Variants in SV2C observed in about 807,000 individuals in gnomAD.
The protein encoded by SV2C is synaptic vesicle glycoprotein 2C, also known as solute carrier family 22 member B3.
SV2C carries 49 observed loss-of-function variants against 79.7 expected under a neutral mutation model. That is an observed-to-expected ratio of 0.61 (90% confidence interval 0.49 to 0.78). The LOEUF (loss-of-function observed/expected upper bound fraction) is 0.78, where lower values mean the gene tolerates loss of function less well. Among genes scored for constraint, SV2C ranks in the 30% least tolerant of loss-of-function variants. The pLI is 0.00. For synonymous variants in SV2C, 334 were observed against 333.2 expected (o/e 1.00, Z -0.03); for missense variants, 833 against 912.9 (o/e 0.91, Z 1.13).
the SV2C span, among the ~76,000 whole-genome samples, chr5:75,914,840 T>C: frequency 1.3e-5 from 2 of 152,206 alleles, no homozygotes; most frequent in Non-Finnish European, 2.9e-5. Context: ...TCTGTTCTCA[T>C]GCTGCTGATA....
At chr5:76,150,626 C>CTTTTTTTTTTT in intron 2 of SV2C, among the ~76,000 whole-genome samples, 1 of 56,454 alleles carries the variant, frequency 1.8e-5, no homozygotes, top group Non-Finnish European at 2.9e-5. Flanking sequence ...TCATCAAATT[C>CTTTTTTTTTTT]TTTTTTTTTT....
At chr5:76,019,165 AG>A in the SV2C span, among the ~76,000 whole-genome samples, 1 of 152,168 alleles carries the variant, frequency 6.6e-6, no homozygotes, top group African/African-American at 2.4e-5. Context: ...GTAGTACAGG[AG>A]GGAGAAAGAG....
chr5:76,148,676 A>C (rs1314832136), intron 2 of SV2C, among the ~76,000 whole-genome samples: 3 of 151,778 alleles, frequency 2.0e-5, no homozygotes, highest in Admixed American at 6.6e-5. Context: ...CTGGTCTTGA[A>C]CTCCTGGGCT....
chr5:76,220,975 G>A (rs989298546), intron 4 of SV2C, among the ~76,000 whole-genome samples: 18 of 152,320 alleles, frequency 1.2e-4, no homozygotes, highest in Non-Finnish European at 1.2e-4. Flanking sequence ...GAAATGTAGA[G>A]TAGCTGTTTA....
At chr5:76,271,307 C>T (rs1435253981) in intron 4 of SV2C, among the ~76,000 whole-genome samples, 1 of 152,028 alleles carries the variant, frequency 6.6e-6, no homozygotes, top group Non-Finnish European at 1.5e-5. Context: ...ATAGATGTGT[C>T]TTGATTTTAT....
the SV2C span, chr5:75,910,604 T>C: frequency 1.4e-5 from 11 of 764,398 alleles, no homozygotes; most frequent in African/African-American, 1.7e-4. Context: ...CAAGTGGGGT[T>C]GAAAACTTGT....
intron 3 of SV2C, among the ~76,000 whole-genome samples, chr5:76,204,191 T>G (rs905175512): frequency 3.3e-5 from 5 of 152,244 alleles, no homozygotes; most frequent in African/African-American, 1.2e-4. Context: ...ATTTATAACA[T>G]AATAAATTGG....
rs1226854620 is a variant in SV2C at position 76,328,902 on chromosome 5, C to T, written c.*3355C>T. ...ACCTCAGCCTCCCAAGTAGCTGGGA[C>T]CACACGCATGCGCCACCACGCCCAG... On this transcript the variant is annotated 3_prime_UTR_variant, in exon 13 of 13. Transcript: ENST00000502798. 1 of 151,966 alleles carries T rather than the reference C, an allele frequency of 6.6e-6. No homozygotes were observed. Among genetic ancestry groups the T allele is most frequent in the Non-Finnish European group, 1.5e-5 (1 of 68,088 alleles). The allele number at this position is 151,966 out of a possible 1,614,324, so 9.4% of individuals were successfully genotyped here. A position where few individuals can be genotyped will look rare whatever the true frequency, so the allele number is the denominator to read the frequency against.
chr5:75,867,111 C>T, the SV2C span, among the ~76,000 whole-genome samples: 1 of 152,138 alleles, frequency 6.6e-6, no homozygotes. Context: ...TCTCCACACC[C>T]CCAGGCTTCT....
chr5:76,320,905 C>T (rs1306178549), intron 12 of SV2C, among the ~76,000 whole-genome samples: 1 of 152,144 alleles, frequency 6.6e-6, no homozygotes, highest in Non-Finnish European at 1.5e-5. Flanking sequence ...GGCAACTTTG[C>T]CTCACTTCAG....
chr5:76,104,929 G>A (rs191710998), intron 1 of SV2C, among the ~76,000 whole-genome samples: 12 of 152,272 alleles, frequency 7.9e-5, no homozygotes, highest in East Asian at 1.9e-4. Context: ...GATGATTCTC[G>A]TTTGCAGTTT....
upstream of SV2C, chr5:76,082,511 T>TCC (rs1181464991): frequency 2.7e-4 from 41 of 152,098 alleles, no homozygotes; most frequent in African/African-American, 9.4e-4. Context: ...TCTCTCTCTC[T>TCC]CTCCCTCTCT....
chr5:76,033,177 T>C, the SV2C span, among the ~76,000 whole-genome samples: 2 of 152,122 alleles, frequency 1.3e-5, no homozygotes, highest in African/African-American at 4.8e-5. Context: ...GTTGCAAAAA[T>C]GTTCTCCCAT....
At chr5:75,878,921 G>C in the SV2C span, among the ~76,000 whole-genome samples, 2 of 152,198 alleles carry the variant, frequency 1.3e-5, no homozygotes, top group African/African-American at 4.8e-5. Context: ...TCTGCTTCTG[G>C]TGAGGACCTC....
chr5:76,266,569 T>C (rs2972825), intron 4 of SV2C, among the ~76,000 whole-genome samples: 126,571 of 152,210 alleles, frequency 0.83, 52,827 homozygotes, highest in Middle Eastern at 0.91. Context: ...AACAGATGAA[T>C]ACTGTATAAT....
At chr5:76,262,324 T>C (rs1746496819) in intron 4 of SV2C, among the ~76,000 whole-genome samples, 1 of 152,180 alleles carries the variant, frequency 6.6e-6, no homozygotes, top group Non-Finnish European at 1.5e-5. Flanking sequence ...GATTTTTCCC[T>C]CTTTTCTTCT....
At chr5:76,231,134 G>A (rs28637825) in intron 4 of SV2C, among the ~76,000 whole-genome samples, 17,880 of 152,042 alleles carry the variant, frequency 0.12, 3,048 homozygotes, top group African/African-American at 0.38. Context: ...ACACCCCCTC[G>A]TCAGTTCAGT....
chr5:76,243,642 C>A (rs893521786), intron 4 of SV2C, among the ~76,000 whole-genome samples: 1 of 152,208 alleles, frequency 6.6e-6, no homozygotes, highest in Non-Finnish European at 1.5e-5. Flanking sequence ...CCTGCCTGCT[C>A]TCTTTGATTC....
chr5:75,913,463 C>T, the SV2C span, among the ~76,000 whole-genome samples: 25 of 152,184 alleles, frequency 1.6e-4, no homozygotes, highest in South Asian at 1.7e-3. Context: ...TGCTGGAAAG[C>T]GGGGAAATGA....
Sources: allele counts gnomAD v4.1 joint callset (sites outside exome capture counted in the v4.1 genomes callset), GRCh38; gene constraint gnomAD v4.1.1; transcripts MANE v1.5; gene names NCBI Gene and HGNC (gene_info 2026-07-23, HGNC 2026-07-21).